The following SLC29A3 variants were observed in gnomAD, a reference collection of about 807,000 sequenced individuals.
SLC29A3 encodes solute carrier family 29 member 3, also known as equilibrative nucleoside transporter 3.
SLC29A3 carries 18 observed loss-of-function variants against 25.4 expected under a neutral mutation model. That is an observed-to-expected ratio of 0.71 (90% CI 0.49 to 1.05). The LOEUF (loss-of-function observed/expected upper bound fraction) is 1.05. Among genes scored for constraint, SLC29A3 ranks in the 50% least tolerant of loss-of-function variants. The pLI is 0.00. For synonymous variants in SLC29A3, 258 were observed against 267.1 expected (o/e 0.97, Z 0.33); for missense variants, 586 against 609.0 (o/e 0.96, Z 0.40).
chr10:71,319,483 T>G, intron 1 of SLC29A3, 173 bp downstream of exon 1: 1 of 433,414 alleles, frequency 2.3e-6, no homozygotes, highest in Non-Finnish European at 4.1e-6. Context: ...CTCCTTGCTC[T>G]CTGCCACCCC....
At chr10:71,340,351 T>A (rs188866996) in intron 2 of SLC29A3, among the ~76,000 whole-genome samples, 9 of 152,286 alleles carry the variant, frequency 5.9e-5, no homozygotes, top group African/African-American at 1.7e-4. Flanking sequence ...AGCCTACAGG[T>A]CTGGTGCCCC....
chr10:71,341,080 C>T (rs1232850828), intron 2 of SLC29A3, among the ~76,000 whole-genome samples: 2 of 152,158 alleles, frequency 1.3e-5, no homozygotes, highest in African/African-American at 2.4e-5. Context: ...TCTGTGGGCT[C>T]CTTCCAGCTC....
intron 2 of SLC29A3, among the ~76,000 whole-genome samples, chr10:71,325,428 G>C (rs374933973): frequency 6.6e-6 from 1 of 152,140 alleles, no homozygotes; most frequent in Non-Finnish European, 1.5e-5. Context: ...TTACCCGTCC[G>C]ATGAAAAGGA....
At chr10:71,342,255 T>A (rs1003753497) in intron 2 of SLC29A3, among the ~76,000 whole-genome samples, 2 of 152,208 alleles carry the variant, frequency 1.3e-5, no homozygotes, top group Admixed American at 1.3e-4. Flanking sequence ...TTTGTTTTTA[T>A]AAATTCTGTG....
chr10:71,348,810 G>C (rs1564536538), intron 3 of SLC29A3, among the ~76,000 whole-genome samples: 1 of 152,198 alleles, frequency 6.6e-6, no homozygotes, highest in Non-Finnish European at 1.5e-5. Context: ...CCCACAAGCA[G>C]GCCCTGAAAC....
chr10:71,377,495 G>A (rs1422669928), intron 4 of SLC29A3, among the ~76,000 whole-genome samples: 1 of 152,218 alleles, frequency 6.6e-6, no homozygotes, highest in East Asian at 1.9e-4. Context: ...GGGCTTCCGG[G>A]AGCCGCGGGG....
chr10:71,341,612 G>A (rs561300808), intron 2 of SLC29A3, among the ~76,000 whole-genome samples: 3 of 152,278 alleles, frequency 2.0e-5, no homozygotes, highest in East Asian at 3.9e-4. Context: ...CCCAGCTATC[G>A]GAAACCCTCA....
intron 4 of SLC29A3, among the ~76,000 whole-genome samples, chr10:71,355,645 T>A (rs1846884320): frequency 1.3e-5 from 2 of 152,188 alleles, no homozygotes; most frequent in East Asian, 3.9e-4. Context: ...CTTCCCAGTT[T>A]GGTTGGTGGG....
chr10:71,351,111 G>C (rs1846744855), intron 3 of SLC29A3, among the ~76,000 whole-genome samples: 1 of 152,320 alleles, frequency 6.6e-6, no homozygotes, highest in Admixed American at 6.5e-5. Flanking sequence ...CTCAGTGGGT[G>C]GCTGCTCTGT....
At chr10:71,356,768 G>A (rs889196654) in intron 5 of SLC29A3, among the ~76,000 whole-genome samples, 3 of 152,226 alleles carry the variant, frequency 2.0e-5, no homozygotes, top group Non-Finnish European at 4.4e-5. Flanking sequence ...GGAGGCTGCA[G>A]TGAGCTGACT....
At chr10:71,378,624 C>T (rs1847278959) in intron 4 of SLC29A3, among the ~76,000 whole-genome samples, 1 of 152,182 alleles carries the variant, frequency 6.6e-6, no homozygotes, top group Non-Finnish European at 1.5e-5. Flanking sequence ...AAATTCTTAG[C>T]CTACTACTAC....
chr10:71,353,630 G>A lies in SLC29A3; in HGVS notation c.610+1842G>A, dbSNP rs1388010263. On this transcript the variant is annotated intron_variant, in intron 4 of 5. Transcript: ENST00000373189. ...CTGAGTCTAAACCGTGGTCACCACTGTATTGGGCCCTCGTGGGTGCCCAAC... is the reference window on the plus strand; with the variant it reads ...CTGAGTCTAAACCGTGGTCACCACTATATTGGGCCCTCGTGGGTGCCCAAC... Among the ~76,000 whole-genome samples, 3 of 152,250 alleles carry A rather than the reference G, an allele frequency of 2.0e-5. No homozygotes were observed. The East Asian group carries it at 5.8e-4, about 29-fold the overall frequency.
downstream of SLC29A3, among the ~76,000 whole-genome samples, chr10:71,363,679 C>T (rs896864578): frequency 6.6e-6 from 1 of 151,994 alleles, no homozygotes; most frequent in South Asian, 2.1e-4. Context: ...TACTATGTTG[C>T]TCAGCCTGGT....
chr10:71,350,656 C>T (rs1846731874), intron 3 of SLC29A3, among the ~76,000 whole-genome samples: 1 of 152,094 alleles, frequency 6.6e-6, no homozygotes, highest in African/African-American at 2.4e-5. Flanking sequence ...GTTCCCTTGG[C>T]CCCAGGCAGC....
At chr10:71,358,419 C>T (rs971607444) in intron 5 of SLC29A3, among the ~76,000 whole-genome samples, 2 of 152,170 alleles carry the variant, frequency 1.3e-5, no homozygotes, top group Non-Finnish European at 2.9e-5. Context: ...TATGCAGTAT[C>T]CCAGGCACCT....
rs764370066 is a variant in SLC29A3 at position 71,356,115 on chromosome 10, C to G, written c.645C>G (p.Ala215=). ...TGGGCGGGACGGTCAGCGCCGTGGC[C>G]TCATTGGTGGACTTGGCTGCATCCA... ...GAMGGTVSAV[A]SLVDLAASSD... is the part of the protein sequence containing the mutation. Residue 215 remains alanine, a synonymous_variant, in exon 5 of 6, where the codon GCC becomes GCG. Coordinates refer to ENST00000373189, the MANE Select transcript of SLC29A3 (RefSeq NM_018344.6). 6 of 1,614,192 alleles carry G rather than the reference C, an allele frequency of 3.7e-6. No homozygotes were observed. Among genetic ancestry groups the G allele is most frequent in the Non-Finnish European group, 5.1e-6 (6 of 1,180,048 alleles).
At chr10:71,380,402 T>C (rs919977727) in exon 5 of SLC29A3, 7 of 152,218 alleles carry the variant, frequency 4.6e-5, no homozygotes, top group Non-Finnish European at 8.8e-5. Flanking sequence ...CAGAGCCTTA[T>C]TTTTCTCATC....
chr10:71,353,048 G>A (rs1480996492), intron 4 of SLC29A3, among the ~76,000 whole-genome samples: 1 of 152,150 alleles, frequency 6.6e-6, no homozygotes, highest in African/African-American at 2.4e-5. Flanking sequence ...TTTGACAAGG[G>A]TATGTCCCTT....
chr10:71,357,713 C>T (rs1846951939), intron 5 of SLC29A3, among the ~76,000 whole-genome samples: 1 of 152,198 alleles, frequency 6.6e-6, no homozygotes, highest in Admixed American at 6.5e-5. Context: ...CTTACTCTTG[C>T]TTTCTGTCTC....
Sources: gnomAD v4.1 joint callset for allele counts (sites outside exome capture counted in the v4.1 genomes callset) on GRCh38, gnomAD v4.1.1 for gene constraint, MANE v1.5 for transcripts, NCBI Gene and HGNC (gene_info 2026-07-23, HGNC 2026-07-21) for gene names.